The following MAP4 variants were observed in gnomAD, a reference collection of about 807,000 sequenced individuals.
MAP4 encodes the protein microtubule-associated protein 4.
MAP4 carries 76 observed loss-of-function variants against 170.2 expected under a neutral mutation model. The ratio of observed to expected loss-of-function variants is 0.45; its 90% CI spans 0.37 to 0.54. MAP4 has a LOEUF of 0.54. Among genes scored for constraint, MAP4 ranks in the 20% least tolerant of loss-of-function variants. MAP4 has a pLI of 0.00. For synonymous variants in MAP4, 909 were observed against 994.5 expected, an observed-to-expected ratio of 0.91 and a Z score of 1.62; for missense variants, 2,506 against 2,748.0, an observed-to-expected ratio of 0.91 and a Z score of 1.97.
chr3:47,947,794 G>A (rs370297467), intron 3 of MAP4, among the ~76,000 whole-genome samples: 2 of 134,386 alleles, frequency 1.5e-5, no homozygotes, highest in East Asian at 2.2e-4. Flanking sequence ...CTGGGCGACA[G>A]AGAGAGTCTC....
intron 3 of MAP4, among the ~76,000 whole-genome samples, chr3:47,962,780 G>C (rs1460940355): frequency 6.6e-6 from 1 of 152,188 alleles, no homozygotes; most frequent in Admixed American, 6.5e-5. Context: ...AGAACATACT[G>C]TATCTCTGTT....
At chr3:47,894,540 G>A (rs749118264) in intron 10 of MAP4, among the ~76,000 whole-genome samples, 1 of 151,844 alleles carries the variant, frequency 6.6e-6, no homozygotes, top group Non-Finnish European at 1.5e-5. Flanking sequence ...CTGAGATCAC[G>A]CCACTGCACT....
intron 1 of MAP4, among the ~76,000 whole-genome samples, chr3:48,077,882 A>G (rs150022145): frequency 5.3e-5 from 8 of 152,332 alleles, no homozygotes; most frequent in South Asian, 2.1e-4. Context: ...TACATGCTAC[A>G]ACATGGATGA....
intron 2 of MAP4, among the ~76,000 whole-genome samples, chr3:47,994,512 C>A (rs968160611): frequency 6.6e-6 from 1 of 152,156 alleles, no homozygotes; most frequent in African/African-American, 2.4e-5. Flanking sequence ...TGGGAATGAG[C>A]CTAGGTGGAT....
intron 1 of MAP4, among the ~76,000 whole-genome samples, chr3:48,009,464 C>T (rs1431084739): frequency 2.0e-5 from 3 of 152,230 alleles, no homozygotes; most frequent in Non-Finnish European, 4.4e-5. Context: ...GACCAAGGCA[C>T]TCACTTTACA....
intron 2 of MAP4, among the ~76,000 whole-genome samples, chr3:47,997,325 C>CT (rs1456409584): frequency 2.5e-5 from 1 of 40,710 alleles, no homozygotes; most frequent in Non-Finnish European, 4.1e-5. Flanking sequence ...ATTTAAACTG[C>CT]TAAAAAAAAA....
chr3:47,879,411 G>A (rs1242420831), intron 10 of MAP4, among the ~76,000 whole-genome samples: 1 of 152,176 alleles, frequency 6.6e-6, no homozygotes, highest in Non-Finnish European at 1.5e-5. Flanking sequence ...CAAAACTGGG[G>A]AGGTTAGGAG....
At position 47,911,417 on chromosome 3, in the gene MAP4, T is replaced by C. The variant is rs759031695; in HGVS notation, c.3004A>G (p.Lys1002Glu). Reference protein sequence around the residue: ...ESKMTKLQNVKLKEFPEGAEE... With the variant: ...ESKMTKLQNVELKEFPEGAEE... ...GCTCCTTCAGGAAACTCCTTCAGTTTGACATTCTGCAGTTTAGTCATTTTA... is the reference window on the plus strand; with the variant it reads ...GCTCCTTCAGGAAACTCCTTCAGTTCGACATTCTGCAGTTTAGTCATTTTA... Residue 1002 changes from lysine (K) to glutamate (E), a missense_variant, in exon 9 of 21, where the codon AAA becomes GAA. Transcript: ENST00000683076. This position sits in a 1 kb window ranked among gnomAD's most constrained non-coding sequence, Gnocchi z 4.0. The C allele has an allele frequency of 2.0e-6, 3 of 1,536,146 alleles. No individual in the cohort carries two copies. In the South Asian group the frequency reaches 3.6e-5, roughly 18 times the overall value.
chr3:47,971,967 A>G (rs1329592067), intron 3 of MAP4, among the ~76,000 whole-genome samples: 2 of 152,216 alleles, frequency 1.3e-5, no homozygotes, highest in East Asian at 3.8e-4. Context: ...TAGGGTATGT[A>G]TAAGAAAGTT....
chr3:47,866,647 G>A (rs550742503), intron 17 of MAP4, among the ~76,000 whole-genome samples: 4 of 151,902 alleles, frequency 2.6e-5, no homozygotes, highest in South Asian at 4.2e-4. Context: ...CCGGCTACTC[G>A]GGAGGCTGAG....
chr3:48,073,113 G>A (rs1028210102), intron 1 of MAP4, among the ~76,000 whole-genome samples: 1 of 152,032 alleles, frequency 6.6e-6, no homozygotes, highest in African/African-American at 2.4e-5. Flanking sequence ...AGGAGGCTGA[G>A]GCAGGAGAAT....
chr3:48,081,262 C>G (rs1393479052), intron 1 of MAP4, among the ~76,000 whole-genome samples: 1 of 151,912 alleles, frequency 6.6e-6, no homozygotes, highest in Non-Finnish European at 1.5e-5. Flanking sequence ...TGAACTCCAG[C>G]CTGGGAAACA....
At chr3:47,856,141 G>A (rs2055855993) in intron 18 of MAP4, among the ~76,000 whole-genome samples, 1 of 152,164 alleles carries the variant, frequency 6.6e-6, no homozygotes, top group Non-Finnish European at 1.5e-5. Context: ...TGAGTACCCA[G>A]CCCCTCCCGC....
At chr3:47,882,949 C>T (rs1334642109) in intron 10 of MAP4, among the ~76,000 whole-genome samples, 3 of 151,760 alleles carry the variant, frequency 2.0e-5, no homozygotes, top group Non-Finnish European at 1.5e-5. Context: ...TGGGATTACA[C>T]GTGTGCGCTA....
chr3:47,876,002 T>C, intron 11 of MAP4, 102 bp from the exon 12 acceptor site: 1 of 871,022 alleles, frequency 1.1e-6, no homozygotes, highest in Non-Finnish European at 1.8e-6. Context: ...ATTGCACAAT[T>C]CAAAGTAAAA....
At chr3:48,082,109 T>A (rs1207710283) in intron 1 of MAP4, among the ~76,000 whole-genome samples, 1 of 152,148 alleles carries the variant, frequency 6.6e-6, no homozygotes, top group East Asian at 1.9e-4. Context: ...CATAAATGAT[T>A]TAATAAATAA....
intron 1 of MAP4, among the ~76,000 whole-genome samples, chr3:48,044,790 A>T (rs1304102527): frequency 6.6e-6 from 1 of 151,940 alleles, no homozygotes; most frequent in African/African-American, 2.4e-5. Flanking sequence ...TTTAAAAAAT[A>T]AAATAAATAT....
At chr3:47,901,557 T>C (rs1403261932) in intron 10 of MAP4, among the ~76,000 whole-genome samples, 1 of 151,822 alleles carries the variant, frequency 6.6e-6, no homozygotes, top group African/African-American at 2.4e-5. Flanking sequence ...GCACCTGTAG[T>C]TCCAGCTACT....
At chr3:48,029,187 C>CA (rs1228149433) in intron 1 of MAP4, among the ~76,000 whole-genome samples, 2 of 151,840 alleles carry the variant, frequency 1.3e-5, no homozygotes, top group African/African-American at 4.8e-5. Flanking sequence ...CCTGTAATCC[C>CA]AGCACTTTGT....
Sources: allele counts gnomAD v4.1 joint callset (sites outside exome capture counted in the v4.1 genomes callset), GRCh38; gene constraint gnomAD v4.1.1; non-coding constraint Gnocchi (gnomAD v3.1); transcripts MANE v1.5; gene names NCBI Gene and HGNC (gene_info 2026-07-23, HGNC 2026-07-21).